Variants in SLC19A3 observed in about 807,000 individuals in gnomAD.
SLC19A3 encodes the protein solute carrier family 19 member 3, also known as thiamine transporter 2.
Under a neutral mutation model 40.2 loss-of-function variants are expected in SLC19A3, and 31 were observed. The ratio of observed to expected loss-of-function variants is 0.77; its 90% CI spans 0.58 to 1.04. The LOEUF is 1.04. Among genes scored for constraint, SLC19A3 ranks in the 50% least tolerant of loss-of-function variants. The pLI is 0.00. For missense variants in SLC19A3, 592 were observed against 596.7 expected (o/e 0.99, Z 0.08); for synonymous variants, 212 against 227.5 (o/e 0.93, Z 0.61).
chr2:227,714,671 C>G (rs1444713692), intron 1 of SLC19A3: 1 of 688,626 alleles, frequency 1.5e-6, no homozygotes, highest in East Asian at 1.4e-4. Context: ...GGCCCACCCT[C>G]TTCTGCAGCC....
chr2:227,704,453 G>T (rs1695850820), intron 1 of SLC19A3, among the ~76,000 whole-genome samples: 1 of 152,186 alleles, frequency 6.6e-6, no homozygotes, highest in Non-Finnish European at 1.5e-5. Flanking sequence ...GGAGCATTCT[G>T]TGAGGCACAT....
At chr2:227,700,334 C>T (rs972219378) in intron 2 of SLC19A3, among the ~76,000 whole-genome samples, 6 of 151,358 alleles carry the variant, frequency 4.0e-5, no homozygotes, top group South Asian at 4.2e-4. Flanking sequence ...GTCAGGAGTT[C>T]GAGACCAGCC....
chr2:227,688,342 A>C (rs1231981130), intron 4 of SLC19A3, 35 bp from the exon 5 acceptor site: 1 of 1,595,124 alleles, frequency 6.3e-7, no homozygotes, highest in Non-Finnish European at 8.6e-7. Flanking sequence ...TTTAACTATA[A>C]TATACATGGA....
Position 227,702,216 on chromosome 2 carries a change from G to C in SLC19A3, c.103C>G (p.Leu35Val). ...TCTGGTCCAGATAAATATGGGATAA[G>C]GAATGGTTCTGAGGGTCTCATCATG... ...FSMMRPSEPF[L>V]IPYLSGPDKN... is the part of the protein sequence containing the mutation. Residue 35 changes from leucine (L) to valine (V), a missense_variant, in exon 2 of 6, where the codon CTT becomes GTT. Coordinates refer to ENST00000644224, the MANE Select transcript of SLC19A3 (RefSeq NM_025243.4). 1 of 1,613,896 alleles carries C rather than the reference G, an allele frequency of 6.2e-7. No individual in the cohort carries two copies. Among genetic ancestry groups the C allele is most frequent in the Non-Finnish European group, 8.5e-7 (1 of 1,179,836 alleles).
chr2:227,699,964 A>G (rs1456592625), intron 2 of SLC19A3, among the ~76,000 whole-genome samples: 2 of 151,742 alleles, frequency 1.3e-5, no homozygotes, highest in African/African-American at 2.4e-5. Context: ...TGCAACCACC[A>G]TCTCCCAGGT....
intron 4 of SLC19A3, among the ~76,000 whole-genome samples, chr2:227,694,283 A>G (rs913706217): frequency 3.9e-5 from 6 of 152,178 alleles, no homozygotes; most frequent in Non-Finnish European, 7.3e-5. Context: ...CTGGGATTAC[A>G]GGCGGGAGCC....
Position 227,703,150 on chromosome 2 carries a change from A to G in SLC19A3, c.-2-830T>C, listed in dbSNP as rs894389071. On this transcript the variant is annotated intron_variant, in intron 1 of 5. Transcript: ENST00000644224. The surrounding 1 kb of genome is among the most constrained non-coding windows in gnomAD (Gnocchi z 4.7). ...AGCTACTGGTATTAACCTAATGACA[A>G]CCACAGTGAGGGAAAAAACGTGTAT... Among the ~76,000 whole-genome samples the G allele has an allele frequency of 6.6e-6, 1 of 152,236 alleles. No individual in the cohort carries two copies. The highest frequency in any genetic ancestry group is 6.5e-5 in the Admixed American group (1 of 15,274).
Position 227,697,154 on chromosome 2 carries a change from G to GA in SLC19A3, c.980-1074dup, listed in dbSNP as rs945080967. Among the ~76,000 whole-genome samples the GA allele has an allele frequency of 4.6e-3, 689 of 148,602 alleles. 3 individuals carry two copies. Among genetic ancestry groups the GA allele is most frequent in the African/African-American group, 0.016 (632 of 40,304 alleles). On this transcript the variant is annotated intron_variant, in intron 3 of 5. Coordinates refer to ENST00000644224, the MANE Select transcript of SLC19A3 (RefSeq NM_025243.4). ...CCCACATGTGATCATGACCACAGAG[G>GA]AAAAAAAAAATAACTATTTTTCCCC... is the stretch of plus-strand genomic sequence containing the variant.
rs114871078 is a variant in SLC19A3, at chr2:227,717,801, A to C, written c.-3+142T>G. On this transcript the variant is annotated intron_variant, in intron 1 of 5. Coordinates refer to ENST00000644224, the MANE Select transcript of SLC19A3 (RefSeq NM_025243.4). ...CTGCGGCGTAGGGGGAGAGCTCCTC[A>C]CGCGGCTCAGAGTGTAGCCCAGGCC... is the stretch of plus-strand genomic sequence containing the variant. 0.018 allele frequency: 10,637 copies of C among 604,934 alleles called. 109 individuals are homozygous for C. Among genetic ancestry groups the C allele is most frequent in the Non-Finnish European group, 0.02 (9,683 of 482,134 alleles). 37.5% of individuals were successfully genotyped at this position (604,934 alleles called of 1,614,324 possible).
chr2:227,689,011 A>G (rs771798251), intron 4 of SLC19A3, among the ~76,000 whole-genome samples: 1 of 152,168 alleles, frequency 6.6e-6, no homozygotes, highest in Non-Finnish European at 1.5e-5. Flanking sequence ...ATCTCATACC[A>G]GCAGAACTGA....
At position 227,699,280 on chromosome 2, in the gene SLC19A3, G is replaced by C. The variant is rs76517176; in HGVS notation, c.435C>G (p.Ser145Arg). 1 of 1,613,928 alleles carries C rather than the reference G, an allele frequency of 6.2e-7. No individual in the cohort carries two copies. Among genetic ancestry groups the C allele is most frequent in the South Asian group, 1.1e-5 (1 of 91,078 alleles). ...CTGCTGTGTAGGCGGCCAGCGTGAC[G>C]CTCCTGCAGTAGCCGCTCACTCTCT... ...HYQRVSGYCR[S>R]VTLAAYTAGS... The change falls in exon 3 of 6, where the codon AGC (serine) becomes AGG (arginine). Residue 145 changes from serine to arginine, a missense_variant. By Grantham distance (110) the Ser-to-Arg change is moderately radical. Transcript: ENST00000644224.
In SLC19A3 at chr2:227,709,893, C is replaced by A. The variant is rs189778110; in HGVS notation, c.-2-7573G>T. ...ATAGTGGTACCCAACCTTCCTGGCA[C>A]CAGGAACCCGTTTCATGGAAGACAA... On this transcript the variant is annotated intron_variant, in intron 1 of 5. Coordinates refer to ENST00000644224, the MANE Select transcript of SLC19A3 (RefSeq NM_025243.4). 5.3e-5 allele frequency among the ~76,000 whole-genome samples: 8 copies of A among 152,146 alleles called. No individual in the cohort carries two copies. In the East Asian group the frequency reaches 1.5e-3, roughly 29 times the overall value.
chr2:227,702,250 A>G lies in SLC19A3; in HGVS notation c.69T>C (p.Gly23=). The G allele has an allele frequency of 6.2e-7, 1 of 1,614,032 alleles. No individual in the cohort carries two copies. The highest frequency in any genetic ancestry group is 1.3e-5 in the African/African-American group (1 of 75,036). The change falls in exon 2 of 6, where the codon GGT becomes GGC. Residue 23 remains glycine, a synonymous_variant. Transcript: ENST00000644224. ...IYPTVILCLF[G]FFSMMRPSEP... ...CTGAGGGTCTCATCATGGAGAAAAA[A>G]CCAAATAAGCAGAGGATCACAGTGG... is the stretch of plus-strand genomic sequence containing the variant.
intron 4 of SLC19A3, among the ~76,000 whole-genome samples, chr2:227,689,744 T>C (rs1044939918): frequency 1.3e-5 from 2 of 152,170 alleles, no homozygotes; most frequent in African/African-American, 4.8e-5. Flanking sequence ...TGTAAACTAC[T>C]CTCATAAGTA....
At position 227,701,971 on chromosome 2, in the gene SLC19A3, T is replaced by C. The variant is rs76278804; in HGVS notation, c.150+198A>G. 8,444 of 569,668 alleles carry C rather than the reference T, an allele frequency of 0.015. 550 individuals are homozygous for C. Among genetic ancestry groups the C allele is most frequent in the African/African-American group, 0.14 (7,540 of 53,284 alleles). 35.3% of individuals were successfully genotyped at this position (569,668 alleles called of 1,614,324 possible). A position where few individuals can be genotyped will look rare whatever the true frequency, so the allele number is the denominator to read the frequency against. ...GTTAAAAATTTGTTAACACATGTAA[T>C]ATGTTTTGGCTGCAATTTTTTGCAA... is the stretch of plus-strand genomic sequence containing the variant. On this transcript the variant is annotated intron_variant, in intron 2 of 5. Coordinates refer to ENST00000644224, the MANE Select transcript of SLC19A3 (RefSeq NM_025243.4).
intron 5 of SLC19A3, 129 bp downstream of exon 5, chr2:227,688,037 A>G (rs1695086014): frequency 9.9e-7 from 1 of 1,013,760 alleles, no homozygotes; most frequent in East Asian, 2.5e-5. Flanking sequence ...GTGTTATAAT[A>G]TGATAATGAA....
intron 1 of SLC19A3, among the ~76,000 whole-genome samples, chr2:227,704,169 G>A (rs750582786): frequency 6.6e-6 from 1 of 152,296 alleles, no homozygotes; most frequent in Admixed American, 6.5e-5. Context: ...AGGGTGAAAA[G>A]AGAGAAGTGT....
chr2:227,703,847 C>A lies in SLC19A3; in HGVS notation c.-2-1527G>T, dbSNP rs1173869518. ...TTCTCTAAATCCAGGTCATCATCTT[C>A]TCTGTGCATCTGAGACCTAGGACTA... On this transcript the variant is annotated intron_variant, in intron 1 of 5. Coordinates refer to ENST00000644224, the MANE Select transcript of SLC19A3 (RefSeq NM_025243.4). The surrounding 1 kb of genome is among the most constrained non-coding windows in gnomAD (Gnocchi z 4.7). Among the ~76,000 whole-genome samples, 1 of 152,220 alleles carries A rather than the reference C, an allele frequency of 6.6e-6. No homozygotes were observed. The highest frequency in any genetic ancestry group is 1.5e-5 in the Non-Finnish European group (1 of 68,052).
chr2:227,706,060 G>A (rs984461789), intron 1 of SLC19A3, among the ~76,000 whole-genome samples: 2 of 151,128 alleles, frequency 1.3e-5, no homozygotes, highest in Admixed American at 1.3e-4. Flanking sequence ...AAAAAAAAAT[G>A]CAGAAGAAAA....
Sources: gnomAD v4.1 joint callset for allele counts (sites outside exome capture counted in the v4.1 genomes callset) on GRCh38, gnomAD v4.1.1 for gene constraint, Gnocchi (gnomAD v3.1) non-coding constraint, MANE v1.5 for transcripts, NCBI Gene and HGNC (gene_info 2026-07-23, HGNC 2026-07-21) for gene names.